CLMN: variants seen among roughly 807,000 people sequenced by gnomAD.
The protein encoded by CLMN is calmin (calponin-like, transmembrane).
In CLMN, 57 loss-of-function variants were observed where a neutral mutation model predicts 92.7. The observed-to-expected ratio is 0.61, with a 90% CI of 0.50 to 0.77. The LOEUF (loss-of-function observed/expected upper bound fraction) is 0.77, where lower values mean the gene tolerates loss of function less well. Among genes scored for constraint, CLMN ranks in the 30% least tolerant of loss-of-function variants. The probability of loss-of-function intolerance (pLI) is 0.00; values close to 1 mark genes in which losing one functional copy is unlikely to be tolerated. For missense variants in CLMN, 1,158 were observed against 1,237.5 expected (o/e 0.94, Z 0.96); for synonymous variants, 466 against 470.6 (o/e 0.99, Z 0.13).
At chr14:95,248,766 G>A (rs901725059) in intron 1 of CLMN, among the ~76,000 whole-genome samples, 2 of 152,110 alleles carry the variant, frequency 1.3e-5, no homozygotes, top group African/African-American at 4.8e-5. Flanking sequence ...TGCCATAAAA[G>A]GGCTTCCCTG....
intron 1 of CLMN, among the ~76,000 whole-genome samples, chr14:95,305,109 T>A (rs1168351146): frequency 6.6e-6 from 1 of 152,212 alleles, no homozygotes; most frequent in African/African-American, 2.4e-5. Flanking sequence ...CACAGGTCCA[T>A]CACACCCAGT....
intron 1 of CLMN, among the ~76,000 whole-genome samples, chr14:95,234,638 C>T (rs113464470): frequency 0.018 from 2,722 of 152,244 alleles, 40 homozygotes; most frequent in Non-Finnish European, 0.03. Context: ...AGTGCCGGGC[C>T]GGGTGGAGGA....
chr14:95,193,781 A>G, intron 12 of CLMN, 68 bp downstream of exon 12: 1 of 1,590,862 alleles, frequency 6.3e-7, no homozygotes, highest in Non-Finnish European at 8.6e-7. Flanking sequence ...CCACCCCTGT[A>G]AGGCAGGCTG....
In CLMN at chr14:95,183,239, C is replaced by A. The variant is rs1379782518; in HGVS notation, c.*8325G>T. ...CAATGTCAACTCTCCAGACAACAGG[C>A]ACTCCCAGAGTTTCCTTTAAAAAAG... On this transcript the variant is annotated 3_prime_UTR_variant, in exon 13 of 13. Transcript: ENST00000298912. The A allele has an allele frequency of 2.0e-5, 3 of 152,212 alleles. No individual in the cohort carries two copies. The highest frequency in any genetic ancestry group is 7.2e-5 in the African/African-American group (3 of 41,446). 9.4% of individuals were successfully genotyped at this position (152,212 alleles called of 1,614,324 possible).
chr14:95,269,208 T>C (rs1175764699), intron 1 of CLMN, among the ~76,000 whole-genome samples: 1 of 152,250 alleles, frequency 6.6e-6, no homozygotes, highest in African/African-American at 2.4e-5. Context: ...CCTGTGCTTA[T>C]ATTTAGTTTT....
At chr14:95,193,753 A>C in intron 12 of CLMN, 96 bp downstream of exon 12, 1 of 1,422,094 alleles carries the variant, frequency 7.0e-7, no homozygotes, top group South Asian at 1.3e-5. Flanking sequence ...TGTTATCAAC[A>C]AAGCAGTGGG....
intron 1 of CLMN, among the ~76,000 whole-genome samples, chr14:95,258,512 G>C (rs1026981450): frequency 1.3e-5 from 2 of 150,862 alleles, no homozygotes; most frequent in East Asian, 2.0e-4. Context: ...GGGTGTGTAT[G>C]TGTGGTGTGT....
At chr14:95,218,225 A>G (rs10143867) in intron 4 of CLMN, among the ~76,000 whole-genome samples, 78,762 of 152,034 alleles carry the variant, frequency 0.52, 21,027 homozygotes, top group African/African-American at 0.62. Context: ...GGGGCCTGGT[A>G]AGTGATGACA....
At chr14:95,261,744 C>CA (rs2140702402) in intron 1 of CLMN, among the ~76,000 whole-genome samples, 1 of 152,354 alleles carries the variant, frequency 6.6e-6, no homozygotes, top group Non-Finnish European at 1.5e-5. Context: ...AAGATGCCCA[C>CA]AGGTCCACCC....
Position 95,319,835 on chromosome 14 carries a change from CGG to C in CLMN, c.-45_-44del. 8.0e-7 allele frequency: 1 copy of C among 1,244,076 alleles called. No homozygotes were observed. Among genetic ancestry groups the C allele is most frequent in the Non-Finnish European group, 1.0e-6 (1 of 985,014 alleles). The allele number at this position is 1,244,076 out of a possible 1,614,324, so 77.1% of individuals were successfully genotyped here. On this transcript the variant is annotated 5_prime_UTR_variant, in exon 1 of 13. Transcript: ENST00000298912. Reference sequence around the variant, plus strand: ...GCCCGGGCCAGCGCGGCGCGGGCGGCGGGCGCGGAGAGCCTGGCTGGCGGGCG... The same window carrying C: ...GCCCGGGCCAGCGCGGCGCGGGCGGCGCGCGGAGAGCCTGGCTGGCGGGCG...
In CLMN at chr14:95,194,055, T is replaced by C; in HGVS notation, c.2770-136A>G. On this transcript the variant is annotated intron_variant, in intron 11 of 12. Coordinates refer to ENST00000298912, the MANE Select transcript of CLMN (RefSeq NM_024734.4). The surrounding 1 kb of genome is among the most constrained non-coding windows in gnomAD (Gnocchi z 4.0). The stretch of plus-strand genomic sequence containing the variant: ...TTTCTCAATACCGCCAGCGTCTAGA[T>C]CCAAAATCAAAGTGCTAAACAATAT... The C allele has an allele frequency of 6.8e-7, 1 of 1,474,674 alleles. No homozygotes were observed. Among genetic ancestry groups the C allele is most frequent in the Non-Finnish European group, 8.9e-7 (1 of 1,118,254 alleles). The allele number at this position is 1,474,674 out of a possible 1,614,324, so 91.3% of individuals were successfully genotyped here. A position where few individuals can be genotyped will look rare whatever the true frequency, so the allele number is the denominator to read the frequency against.
At position 95,259,357 on chromosome 14, in the gene CLMN, C is replaced by T. The variant is rs1899158508; in HGVS notation, c.83-29224G>A. 6.6e-6 allele frequency among the ~76,000 whole-genome samples: 1 copy of T among 152,066 alleles called. No homozygotes were observed. Among genetic ancestry groups the T allele is most frequent in the Admixed American group, 6.6e-5 (1 of 15,266 alleles). On this transcript the variant is annotated intron_variant, in intron 1 of 12. Transcript: ENST00000298912. This position sits in a 1 kb window ranked among gnomAD's most constrained non-coding sequence, Gnocchi z 4.3. ...TGGACCCTGGCCGTCCACTGGCTCC[C>T]CACTCACCAGGCCTGACCTTGGGCA...
At chr14:95,309,201 G>A (rs748613921) in intron 1 of CLMN, among the ~76,000 whole-genome samples, 1 of 152,120 alleles carries the variant, frequency 6.6e-6, no homozygotes, top group Admixed American at 6.5e-5. Flanking sequence ...TGGGACTTTC[G>A]ATATGTGATG....
intron 1 of CLMN, among the ~76,000 whole-genome samples, chr14:95,279,770 G>A (rs1359250948): frequency 3.3e-5 from 5 of 152,220 alleles, no homozygotes; most frequent in South Asian, 2.1e-4. Flanking sequence ...GCGACAGAGC[G>A]AGACTCCGTC....
rs760358687 is a variant in CLMN at position 95,203,019 on chromosome 14, G to A, written c.2330C>T (p.Ser777Phe). 8.1e-6 allele frequency: 13 copies of A among 1,614,152 alleles called. No individual in the cohort carries two copies. Among genetic ancestry groups the A allele is most frequent in the Non-Finnish European group, 1.1e-5 (13 of 1,180,026 alleles). The change falls in exon 9 of 13, where the codon TCT becomes TTT. Residue 777 changes from serine to phenylalanine, a missense_variant. Coordinates refer to ENST00000298912, the MANE Select transcript of CLMN (RefSeq NM_024734.4). ...LDSREEEADGSQSSSSSSVPG... is the reference protein window; with the variant it reads ...LDSREEEADGFQSSSSSSVPG... ...CACCGAGGAACTGGAGCTGCTCTGAGAGCCATCGGCCTCCTCCTCCCTGGA... is the reference window on the plus strand; with the variant it reads ...CACCGAGGAACTGGAGCTGCTCTGAAAGCCATCGGCCTCCTCCTCCCTGGA...
rs1335647052 is a variant in CLMN, at chr14:95,183,615, G to A, written c.*7949C>T. 3 of 152,174 alleles carry A rather than the reference G, an allele frequency of 2.0e-5. No individual in the cohort carries two copies. The highest frequency in any genetic ancestry group is 4.8e-5 in the African/African-American group (2 of 41,440). 9.4% of individuals were successfully genotyped at this position (152,174 alleles called of 1,614,324 possible). A position where few individuals can be genotyped will look rare whatever the true frequency, so the allele number is the denominator to read the frequency against. ...AAAGCCCAATTTCCTACTCTGTGAA[G>A]TACGTGTTAGAGGTGCAGAGATGAG... On this transcript the variant is annotated 3_prime_UTR_variant, in exon 13 of 13. Transcript: ENST00000298912.
chr14:95,230,363 A>G (rs1221631560), intron 1 of CLMN, among the ~76,000 whole-genome samples: 1 of 152,220 alleles, frequency 6.6e-6, no homozygotes, highest in Non-Finnish European at 1.5e-5. Context: ...ATTCAGACAC[A>G]TGGAACAAAA....
intron 8 of CLMN, among the ~76,000 whole-genome samples, chr14:95,204,731 A>T (rs1897000117): frequency 6.6e-6 from 1 of 152,248 alleles, no homozygotes; most frequent in Non-Finnish European, 1.5e-5. Context: ...TTAAAAAGCT[A>T]TGGATTAACG....
chr14:95,214,779 A>G (rs1264678413), intron 5 of CLMN, among the ~76,000 whole-genome samples: 2 of 152,074 alleles, frequency 1.3e-5, no homozygotes, highest in Non-Finnish European at 2.9e-5. Flanking sequence ...CAGAACAGGA[A>G]CTATTGTCTC....
Sources: allele counts gnomAD v4.1 joint callset (sites outside exome capture counted in the v4.1 genomes callset), GRCh38; gene constraint gnomAD v4.1.1; non-coding constraint Gnocchi (gnomAD v3.1); transcripts MANE v1.5; gene names NCBI Gene and HGNC (gene_info 2026-07-23, HGNC 2026-07-21).